Variants in PHKB observed in about 807,000 individuals in gnomAD.
PHKB encodes the protein phosphorylase kinase regulatory subunit beta, also known as phosphorylase b kinase regulatory subunit beta.
PHKB carries 122 observed loss-of-function variants against 152.1 expected under a neutral mutation model. The observed-to-expected ratio is 0.80, with a 90% CI of 0.69 to 0.93. PHKB has a LOEUF of 0.93. Ranked by LOEUF, PHKB falls within the 40% of genes least tolerant of loss-of-function variation. The pLI is 0.00. For missense variants in PHKB, 1,304 were observed against 1,328.4 expected (o/e 0.98, Z 0.29); for synonymous variants, 436 against 464.9 (o/e 0.94, Z 0.80).
intron 20 of PHKB, among the ~76,000 whole-genome samples, chr16:47,654,499 A>G (rs961158476): frequency 1.3e-5 from 2 of 152,194 alleles, no homozygotes; most frequent in African/African-American, 4.8e-5. Context: ...AGACACATGC[A>G]CACATATGTT....
At chr16:47,591,462 T>C (rs913197707) in intron 10 of PHKB, among the ~76,000 whole-genome samples, 2 of 152,166 alleles carry the variant, frequency 1.3e-5, no homozygotes, top group Admixed American at 1.3e-4. Flanking sequence ...GGCATTTGAG[T>C]GTCTTTGCTG....
intron 6 of PHKB, among the ~76,000 whole-genome samples, chr16:47,543,377 T>C (rs1031493264): frequency 1.1e-4 from 17 of 152,334 alleles, no homozygotes; most frequent in Admixed American, 2.6e-4. Context: ...GATAAGCTTT[T>C]TGATGTGCTG....
At chr16:47,516,882 A>T (rs960191634) in intron 6 of PHKB, among the ~76,000 whole-genome samples, 3 of 152,200 alleles carry the variant, frequency 2.0e-5, no homozygotes, top group African/African-American at 7.2e-5. Flanking sequence ...AATAATTGTT[A>T]GTGTTTATAA....
At chr16:47,617,747 C>T (rs1446246715) in intron 14 of PHKB, among the ~76,000 whole-genome samples, 1 of 152,184 alleles carries the variant, frequency 6.6e-6, no homozygotes, top group Non-Finnish European at 1.5e-5. Context: ...CCCACCATCC[C>T]ATCCAGAGGT....
chr16:47,698,424 G>A, intron 29 of PHKB, 24 bp from the exon 30 acceptor site: 1 of 1,579,990 alleles, frequency 6.3e-7, no homozygotes, highest in South Asian at 1.1e-5. Flanking sequence ...CATATAGTTG[G>A]CTTTCAATGT....
intron 7 of PHKB, among the ~76,000 whole-genome samples, chr16:47,573,468 G>T (rs1035389297): frequency 2.6e-5 from 4 of 152,174 alleles, no homozygotes; most frequent in Non-Finnish European, 4.4e-5. Context: ...TTGCATAAAA[G>T]AATCCTCAGG....
chr16:47,585,524 G>A (rs892406054), intron 8 of PHKB, among the ~76,000 whole-genome samples: 3 of 152,144 alleles, frequency 2.0e-5, no homozygotes, highest in Non-Finnish European at 4.4e-5. Flanking sequence ...AAAAAGACTT[G>A]CTTCTGGATT....
At chr16:47,606,022 A>T (rs1972317261) in intron 13 of PHKB, among the ~76,000 whole-genome samples, 1 of 152,222 alleles carries the variant, frequency 6.6e-6, no homozygotes, top group Non-Finnish European at 1.5e-5. Flanking sequence ...AGGATTAATG[A>T]ATGAATATAT....
chr16:47,666,245 A>G (rs1274780667), intron 25 of PHKB, among the ~76,000 whole-genome samples: 1 of 152,214 alleles, frequency 6.6e-6, no homozygotes, highest in African/African-American at 2.4e-5. Flanking sequence ...CTGCACCTTA[A>G]AGCTATAATC....
At chr16:47,494,353 G>A (rs1392318515) in intron 1 of PHKB, among the ~76,000 whole-genome samples, 1 of 152,232 alleles carries the variant, frequency 6.6e-6, no homozygotes, top group East Asian at 1.9e-4. Flanking sequence ...CAGCTTCTAA[G>A]TTGTGTTTCC....
intron 1 of PHKB, among the ~76,000 whole-genome samples, chr16:47,483,787 C>T (rs1335216600): frequency 1.3e-5 from 2 of 152,144 alleles, no homozygotes; most frequent in East Asian, 3.9e-4. Flanking sequence ...GATTCGTCAC[C>T]TTATTCATTG....
At chr16:47,681,567 G>A (rs1468012492) in intron 26 of PHKB, among the ~76,000 whole-genome samples, 3 of 151,896 alleles carry the variant, frequency 2.0e-5, no homozygotes, top group African/African-American at 7.2e-5. Context: ...TTTAAAGTCT[G>A]TTTTATCAGA....
In PHKB at chr16:47,596,524, A is replaced by G; in HGVS notation, c.1356A>G (p.Lys452=). ...GACAAGCACTTTATATCATCGCAAA[A>G]CTCCTGGGTAAGTGGAGAAGATTGG... is the stretch of plus-strand genomic sequence containing the variant. ...LWGQALYIIA[K]LLADELISPK... is the part of the protein sequence containing the mutation. The change falls in exon 13 of 31, where the codon AAA becomes AAG. Residue 452 remains lysine, a synonymous_variant. Coordinates refer to ENST00000323584, the MANE Select transcript of PHKB (RefSeq NM_000293.3). 1 of 1,613,102 alleles carries G rather than the reference A, an allele frequency of 6.2e-7. No homozygotes were observed. Among genetic ancestry groups the G allele is most frequent in the South Asian group, 1.1e-5 (1 of 91,014 alleles).
chr16:47,672,587 A>G (rs1261762641), intron 26 of PHKB, among the ~76,000 whole-genome samples: 4 of 152,152 alleles, frequency 2.6e-5, no homozygotes, highest in Non-Finnish European at 5.9e-5. Context: ...AGAGGTTTCA[A>G]CAAAGCCTTA....
At chr16:47,563,220 T>C (rs1463470543) in intron 7 of PHKB, among the ~76,000 whole-genome samples, 1 of 150,828 alleles carries the variant, frequency 6.6e-6, no homozygotes, top group East Asian at 1.9e-4. Context: ...TCTTGAATGT[T>C]CTTAGTGGCA....
At chr16:47,505,256 G>A (rs183678327) in intron 4 of PHKB, among the ~76,000 whole-genome samples, 10 of 152,170 alleles carry the variant, frequency 6.6e-5, no homozygotes, top group African/African-American at 9.7e-5. Flanking sequence ...CTAGTGGGCC[G>A]CTTCTGGTAA....
rs567761348 is a variant in PHKB, at chr16:47,545,512, G to C, written c.595-1921G>C. Among the ~76,000 whole-genome samples the C allele has an allele frequency of 2.3e-4, 35 of 152,246 alleles. No individual in the cohort carries two copies. The South Asian group carries it at 7.3e-3, about 32-fold the overall frequency. On this transcript the variant is annotated intron_variant, in intron 6 of 30. Transcript: ENST00000323584. ...TGTGGGTAACCCGACCTTTCTCTCTGGCTGCTGTTAATATTTTTTCCTTCA... is the reference window on the plus strand; with the variant it reads ...TGTGGGTAACCCGACCTTTCTCTCTCGCTGCTGTTAATATTTTTTCCTTCA...
intron 7 of PHKB, among the ~76,000 whole-genome samples, chr16:47,557,644 C>A (rs1305636295): frequency 6.6e-6 from 1 of 151,994 alleles, no homozygotes; most frequent in Non-Finnish European, 1.5e-5. Context: ...TGCTCACCAT[C>A]ACTGGCCATC....
chr16:47,610,845 T>C lies in PHKB; in HGVS notation c.1383T>C (p.Pro461=). The change falls in exon 14 of 31, where the codon CCT becomes CCC. Residue 461 remains proline, a synonymous_variant. Transcript: ENST00000323584. ...AKLLADELIS[P]KDIDPVQRYV... ...TTTCAGCTGATGAACTTATTAGTCC[T>C]AAAGACATTGATCCTGTCCAGCGCT... 6.2e-7 allele frequency: 1 copy of C among 1,605,942 alleles called. No individual in the cohort carries two copies. Among genetic ancestry groups the C allele is most frequent in the Non-Finnish European group, 8.5e-7 (1 of 1,172,600 alleles).
Sources: gnomAD v4.1 joint callset for allele counts (sites outside exome capture counted in the v4.1 genomes callset) on GRCh38, gnomAD v4.1.1 for gene constraint, MANE v1.5 for transcripts, NCBI Gene and HGNC (gene_info 2026-07-23, HGNC 2026-07-21) for gene names.